Variants in ITGAV observed in about 807,000 individuals in gnomAD.
ITGAV encodes the protein integrin alpha-V.
ITGAV carries 76 observed loss-of-function variants against 143.8 expected under a neutral mutation model. That is an observed-to-expected ratio of 0.53 (90% CI 0.44 to 0.64). The LOEUF (loss-of-function observed/expected upper bound fraction) is 0.64, where lower values mean the gene tolerates loss of function less well. Among genes scored for constraint, ITGAV ranks in the 30% least tolerant of loss-of-function variants. The probability of loss-of-function intolerance (pLI) is 0.00; values close to 1 mark genes in which losing one functional copy is unlikely to be tolerated. For missense variants in ITGAV, 1,193 were observed against 1,274.7 expected, an observed-to-expected ratio of 0.94 and a Z score of 0.98; for synonymous variants, 453 against 446.7, an observed-to-expected ratio of 1.01 and a Z score of -0.18.
intron 3 of ITGAV, among the ~76,000 whole-genome samples, chr2:186,624,162 G>A (rs1330321668): frequency 6.6e-5 from 10 of 151,994 alleles, no homozygotes; most frequent in Admixed American, 6.6e-4. Context: ...TAGTACCTTA[G>A]TGTTTGTGTT....
rs763137058 is a variant in ITGAV at position 186,590,382 on chromosome 2, G to T, written c.44G>T (p.Gly15Val). 1 of 1,598,498 alleles carries T rather than the reference G, an allele frequency of 6.3e-7. No homozygotes were observed. The highest frequency in any genetic ancestry group is 1.1e-5 in the South Asian group (1 of 89,818). ...CGACGGCTGCGCCTCGGTCCCCGCG[G>T]CCTCCCGCTTCTTCTCTCGGGACTC... ...PRRRLRLGPRGLPLLLSGLLL... is the reference protein window; with the variant it reads ...PRRRLRLGPRVLPLLLSGLLL... The change falls in exon 1 of 30, where the codon GGC becomes GTC. Residue 15 changes from glycine to valine, a missense_variant. Transcript: ENST00000261023.
intron 2 of ITGAV, among the ~76,000 whole-genome samples, chr2:186,615,122 A>G (rs1313559725): frequency 6.6e-6 from 1 of 152,122 alleles, no homozygotes; most frequent in African/African-American, 2.4e-5. Context: ...AGTCATTCCT[A>G]TTGTAGCATG....
chr2:186,668,312 A>C (rs2105747007), intron 24 of ITGAV, among the ~76,000 whole-genome samples: 1 of 135,658 alleles, frequency 7.4e-6, no homozygotes, highest in South Asian at 2.4e-4. Flanking sequence ...TGCAAACTCC[A>C]CCTCCCGGGT....
intron 18 of ITGAV, among the ~76,000 whole-genome samples, chr2:186,662,563 CTT>C (rs977194188): frequency 6.6e-6 from 1 of 152,128 alleles, no homozygotes; most frequent in Non-Finnish European, 1.5e-5. Context: ...TTTAGAACAA[CTT>C]GAGTATTTGA....
In ITGAV at chr2:186,609,181, A is replaced by G. The variant is rs1191976084; in HGVS notation, c.316+7030A>G. The stretch of plus-strand genomic sequence containing the variant: ...CTCCTTTTGACTGGAAAACAGGGTA[A>G]TAGGAAGGAAACATCCTTTGCAAAT... On this transcript the variant is annotated intron_variant, in intron 2 of 29. Transcript: ENST00000261023. 5.3e-5 allele frequency among the ~76,000 whole-genome samples: 8 copies of G among 152,282 alleles called. No homozygotes were observed. The South Asian group carries it at 1.7e-3, about 32-fold the overall frequency.
At chr2:186,664,187 C>T (rs1051232800) in intron 19 of ITGAV, among the ~76,000 whole-genome samples, 8 of 152,014 alleles carry the variant, frequency 5.3e-5, no homozygotes, top group African/African-American at 9.7e-5. Flanking sequence ...AATTATGACA[C>T]GTGATTAATT....
chr2:186,645,813 A>AT (rs1260961152), intron 12 of ITGAV, among the ~76,000 whole-genome samples: 1 of 151,868 alleles, frequency 6.6e-6, no homozygotes, highest in African/African-American at 2.4e-5. Flanking sequence ...TGAAAAAAAA[A>AT]CAAAAAAAAT....
At chr2:186,668,268 C>G (rs1688970386) in intron 24 of ITGAV, among the ~76,000 whole-genome samples, 1 of 106,096 alleles carries the variant, frequency 9.4e-6, no homozygotes, top group African/African-American at 3.7e-5. Context: ...CTCTGTCGCC[C>G]AGGCTGGAGT....
At chr2:186,595,343 G>T (rs1198176627) in intron 1 of ITGAV, among the ~76,000 whole-genome samples, 1 of 152,166 alleles carries the variant, frequency 6.6e-6, no homozygotes, top group Non-Finnish European at 1.5e-5. Flanking sequence ...GCCCCTCCTT[G>T]GTTGTCAAGG....
At chr2:186,642,954 G>C (rs1023677518) in intron 12 of ITGAV, among the ~76,000 whole-genome samples, 6 of 152,120 alleles carry the variant, frequency 3.9e-5, no homozygotes. Context: ...ATGGTATGAA[G>C]TTCATAATAA....
At chr2:186,674,850 C>T (rs908705057) in intron 26 of ITGAV, among the ~76,000 whole-genome samples, 5 of 152,080 alleles carry the variant, frequency 3.3e-5, no homozygotes, top group East Asian at 1.9e-4. Context: ...TAGAACCTTC[C>T]GTACAATATT....
intron 3 of ITGAV, among the ~76,000 whole-genome samples, chr2:186,623,107 C>T (rs184237411): frequency 2.6e-5 from 4 of 152,102 alleles, no homozygotes; most frequent in African/African-American, 9.7e-5. Context: ...ACCTCATCTC[C>T]CCCTATGCCA....
At chr2:186,638,631 CGTGTGTGTGTGTGT>C (rs34535817) in intron 10 of ITGAV, among the ~76,000 whole-genome samples, 166 bp downstream of exon 10, 24 of 144,794 alleles carry the variant, frequency 1.7e-4, no homozygotes, top group African/African-American at 4.9e-4. Flanking sequence ...CTCTTTTGAG[CGTGTGTGTGTGTGT>C]GTGTGTGTGT....
chr2:186,661,658 G>A (rs1688749527), intron 18 of ITGAV, among the ~76,000 whole-genome samples: 1 of 149,274 alleles, frequency 6.7e-6, no homozygotes, highest in Admixed American at 6.7e-5. Context: ...GTGCAGTGGC[G>A]CAATCTTGGC....
chr2:186,620,688 A>G (rs917979300), intron 2 of ITGAV, among the ~76,000 whole-genome samples: 3 of 152,174 alleles, frequency 2.0e-5, no homozygotes, highest in African/African-American at 4.8e-5. Context: ...GCTTCAGTAT[A>G]GGAGGTTGAG....
chr2:186,622,566 G>A (rs1247991808), intron 3 of ITGAV, 136 bp downstream of exon 3: 1 of 614,100 alleles, frequency 1.6e-6, no homozygotes, highest in East Asian at 2.8e-5. Context: ...AGATAGCTCT[G>A]ATCAAAGGCC....
intron 1 of ITGAV, among the ~76,000 whole-genome samples, chr2:186,597,630 C>G (rs965644575): frequency 2.6e-5 from 4 of 152,118 alleles, no homozygotes; most frequent in Non-Finnish European, 4.4e-5. Flanking sequence ...ACAGGGGTCC[C>G]CAACCCTCGG....
chr2:186,654,638 A>G lies in ITGAV; in HGVS notation c.1506-12A>G. The G allele has an allele frequency of 7.0e-7, 1 of 1,433,054 alleles. No individual in the cohort carries two copies. Among genetic ancestry groups the G allele is most frequent in the South Asian group, 1.2e-5 (1 of 81,908 alleles). The allele number at this position is 1,433,054 out of a possible 1,614,324, so 88.8% of individuals were successfully genotyped here. A position where few individuals can be genotyped will look rare whatever the true frequency, so the allele number is the denominator to read the frequency against. On this transcript the variant is annotated splice_polypyrimidine_tract_variant and intron_variant, in intron 15 of 29. Coordinates refer to ENST00000261023, the MANE Select transcript of ITGAV (RefSeq NM_002210.5). ...ATTATAGAATTTATGTATGTTTTTT[A>G]TTTTTCCACAGTTTTAATGTTAGGT...
chr2:186,615,353 A>G (rs767262936), intron 2 of ITGAV, among the ~76,000 whole-genome samples: 2 of 151,940 alleles, frequency 1.3e-5, no homozygotes, highest in African/African-American at 4.8e-5. Flanking sequence ...ATGGTAATCT[A>G]TATTTACCTT....
Sources: allele counts gnomAD v4.1 joint callset (sites outside exome capture counted in the v4.1 genomes callset), GRCh38; gene constraint gnomAD v4.1.1; transcripts MANE v1.5; gene names NCBI Gene and HGNC (gene_info 2026-07-23, HGNC 2026-07-21).